Variants in CIT observed in about 807,000 individuals in gnomAD.
CIT encodes the protein citron rho-interacting serine/threonine kinase, also known as citron Rho-interacting kinase.
Under a neutral mutation model 272.7 loss-of-function variants are expected in CIT, and 79 were observed. The ratio of observed to expected loss-of-function variants is 0.29; its 90% CI spans 0.24 to 0.35. CIT has a LOEUF of 0.35. CIT is among the 10% of genes least tolerant of loss of function. The pLI, the probability that CIT is intolerant of heterozygous loss-of-function variation, is 1.00. For synonymous variants in CIT, 948 were observed against 995.6 expected, an observed-to-expected ratio of 0.95 and a Z score of 0.90; for missense variants, 1,909 against 2,618.3, an observed-to-expected ratio of 0.73 and a Z score of 5.91.
At chr12:119,709,043 G>A (rs1274245756) in intron 39 of CIT, among the ~76,000 whole-genome samples, 2 of 152,188 alleles carry the variant, frequency 1.3e-5, no homozygotes, top group Non-Finnish European at 2.9e-5. Flanking sequence ...GGAGACTAGA[G>A]AGACATGATT....
At chr12:119,781,443 C>T (rs1429255914) in intron 13 of CIT, among the ~76,000 whole-genome samples, 1 of 152,176 alleles carries the variant, frequency 6.6e-6, no homozygotes, top group Non-Finnish European at 1.5e-5. Context: ...TAAGTTTGTG[C>T]TACCCAGAGA....
chr12:119,710,690 C>T lies in CIT; in HGVS notation c.4855-70G>A. ...CTGATCTGTTTATGACCAAACCATC[C>T]AGAGAAACCAAGAGAAGGTTAAGGC... On this transcript the variant is annotated intron_variant, in intron 37 of 47. Coordinates refer to ENST00000392521, the MANE Select transcript of CIT (RefSeq NM_001206999.2). This position sits in a 1 kb window ranked among gnomAD's most constrained non-coding sequence, Gnocchi z 5.6. The T allele has an allele frequency of 7.0e-7, 1 of 1,435,098 alleles. No individual in the cohort carries two copies. The highest frequency in any genetic ancestry group is 1.7e-5 in the Admixed American group (1 of 59,348). The allele number at this position is 1,435,098 out of a possible 1,614,324, so 88.9% of individuals were successfully genotyped here.
rs1036933350 is a variant in CIT at position 119,712,895 on chromosome 12, A to G, written c.4580-200T>C. 3.6e-5 allele frequency: 21 copies of G among 585,656 alleles called. No individual in the cohort carries two copies. Among genetic ancestry groups the G allele is most frequent in the African/African-American group, 1.9e-5 (1 of 53,536 alleles). The allele number at this position is 585,656 out of a possible 1,614,324, so 36.3% of individuals were successfully genotyped here. On this transcript the variant is annotated intron_variant, in intron 35 of 47. Coordinates refer to ENST00000392521, the MANE Select transcript of CIT (RefSeq NM_001206999.2). This position sits in a 1 kb window ranked among gnomAD's most constrained non-coding sequence, Gnocchi z 5.2. Reference sequence around the variant, plus strand: ...AAAAAAAAATAAAGTGTGTCAGATGAGTAGCACAGTCAAATTTCTGATGAC... The same window carrying G: ...AAAAAAAAATAAAGTGTGTCAGATGGGTAGCACAGTCAAATTTCTGATGAC...
intron 23 of CIT, among the ~76,000 whole-genome samples, chr12:119,744,717 A>G (rs1012069470): frequency 6.7e-6 from 1 of 149,480 alleles, no homozygotes; most frequent in African/African-American, 2.5e-5. Flanking sequence ...TCCGCCTCAA[A>G]AAAAAAAAAA....
Position 119,803,231 on chromosome 12 carries a change from C to T in CIT, c.1270G>A (p.Ala424Thr). The T allele has an allele frequency of 6.3e-7, 1 of 1,584,434 alleles. No individual in the cohort carries two copies. The highest frequency in any genetic ancestry group is 8.6e-7 in the Non-Finnish European group (1 of 1,168,146). The change falls in exon 10 of 48, where the codon GCA becomes ACA. Residue 424 changes from alanine to threonine, a missense_variant. Physicochemically the swap from Ala to Thr is moderately conservative, Grantham distance 58. Transcript: ENST00000392521. Reference sequence around the variant, plus strand: ...TCAGATCTACCAAGAATCCCCAGTGCCTTGCTGTACGAAAACCCCACAAAC... The same window carrying T: ...TCAGATCTACCAAGAATCCCCAGTGTCTTGCTGTACGAAAACCCCACAAAC... ...LPFVGFSYSK[A>T]LGILGRSESV...
intron 16 of CIT, among the ~76,000 whole-genome samples, chr12:119,773,767 A>G (rs1406079643): frequency 6.6e-6 from 1 of 152,194 alleles, no homozygotes; most frequent in East Asian, 1.9e-4. Flanking sequence ...AGAAAATTTT[A>G]AATTACATCT....
At chr12:119,721,500 T>A in intron 28 of CIT, 51 bp from the exon 29 acceptor site, 1 of 1,505,612 alleles carries the variant, frequency 6.6e-7, no homozygotes, top group Non-Finnish European at 9.0e-7. Context: ...ACAATACAAT[T>A]TGTTCCCCTG....
chr12:119,750,155 G>A (rs1744517948), intron 23 of CIT, among the ~76,000 whole-genome samples: 2 of 152,200 alleles, frequency 1.3e-5, no homozygotes, highest in South Asian at 4.1e-4. Context: ...ATAGGTACAG[G>A]AGGAAAATAT....
rs114250758 is a variant in CIT at position 119,714,102 on chromosome 12, T to C, written c.4306+95A>G. The C allele has an allele frequency of 4.7e-4, 675 of 1,430,256 alleles. 3 individuals carry two copies. In the African/African-American group the frequency reaches 8.5e-3, roughly 18 times the overall value. 88.6% of individuals were successfully genotyped at this position (1,430,256 alleles called of 1,614,324 possible). ...AAGAAGCTCGAAAATGAATGCACTATATGATGAGTTAGAAAAAAATCACCT... is the reference window on the plus strand; with the variant it reads ...AAGAAGCTCGAAAATGAATGCACTACATGATGAGTTAGAAAAAAATCACCT... On this transcript the variant is annotated intron_variant, in intron 33 of 47. Transcript: ENST00000392521.
chr12:119,724,409 G>C (rs1957974019), intron 28 of CIT, among the ~76,000 whole-genome samples: 1 of 152,108 alleles, frequency 6.6e-6, no homozygotes, highest in Non-Finnish European at 1.5e-5. Flanking sequence ...AGAACCAATA[G>C]GTAAAAGTGG....
chr12:119,873,550 G>T (rs1950748077), intron 2 of CIT, among the ~76,000 whole-genome samples: 1 of 151,998 alleles, frequency 6.6e-6, no homozygotes, highest in Admixed American at 6.6e-5. Context: ...AAATTGCTAG[G>T]ATTACAGGCG....
At chr12:119,813,054 C>A (rs3809307) in intron 9 of CIT, among the ~76,000 whole-genome samples, 2,770 of 152,294 alleles carry the variant, frequency 0.018, 71 homozygotes, top group East Asian at 0.13. Flanking sequence ...GGCCCCCCTC[C>A]GACCCCGTTC....
rs190689618 is a variant in CIT, at chr12:119,752,565, C to T, written c.2707-318G>A. Among the ~76,000 whole-genome samples the T allele has an allele frequency of 5.8e-4, 89 of 152,288 alleles. 1 individual carries two copies. The highest frequency in any genetic ancestry group is 3.1e-3 in the Admixed American group (48 of 15,298). On this transcript the variant is annotated intron_variant, in intron 22 of 47. Transcript: ENST00000392521. The stretch of plus-strand genomic sequence containing the variant: ...ACTAATGAAAATGATGATGATTACT[C>T]TTATTAGAAAAACATTTAAAGCTAA...
In CIT at chr12:119,787,730, C is replaced by CAAAA. The variant is rs61554565; in HGVS notation, c.1296-2669_1296-2666dup. ...TGGGCAACAGAGTGAGACTCCGTCT[C>CAAAA]AAAAAAAAAAAAAAAAAAAGCAAAT... On this transcript the variant is annotated intron_variant, in intron 10 of 47. Transcript: ENST00000392521. Among the ~76,000 whole-genome samples the CAAAA allele has an allele frequency of 1.0e-3, 51 of 49,058 alleles. 3 individuals carry two copies. The highest frequency in any genetic ancestry group is 2.1e-3 in the East Asian group (3 of 1,442). The allele number at this position is 49,058 out of a possible 152,430, so 32.2% of individuals were successfully genotyped here.
intron 8 of CIT, among the ~76,000 whole-genome samples, chr12:119,824,867 T>G (rs1018363682): frequency 1.3e-5 from 2 of 152,166 alleles, no homozygotes; most frequent in Admixed American, 1.3e-4. Context: ...GGCGCGATCT[T>G]GGCTCACTGT....
chr12:119,718,373 G>A lies in CIT; in HGVS notation c.4040C>T (p.Ser1347Phe). ...HRKATDHPHP[S>F]TPATARQQIA... ...CTGCTGCCTCGCGGTGGCTGGCGTG[G>A]ATGGGTGTGGGTGGTCCGTTGCTTT... The change falls in exon 32 of 48, where the codon TCC (serine) becomes TTC (phenylalanine). Residue 1347 changes from serine to phenylalanine, a missense_variant. Ser to Phe is a radical substitution (Grantham distance 155). Transcript: ENST00000392521. The surrounding 1 kb of genome is among the most constrained non-coding windows in gnomAD (Gnocchi z 4.8). 1 of 1,613,874 alleles carries A rather than the reference G, an allele frequency of 6.2e-7. No individual in the cohort carries two copies. Among genetic ancestry groups the A allele is most frequent in the Middle Eastern group, 1.7e-4 (1 of 5,994 alleles).
At chr12:119,702,934 T>C (rs1310696262) in intron 41 of CIT, among the ~76,000 whole-genome samples, 2 of 152,238 alleles carry the variant, frequency 1.3e-5, no homozygotes, top group Non-Finnish European at 2.9e-5. Flanking sequence ...ACCTGCTTCC[T>C]GATTATTTTT....
rs535456252 is a variant in CIT at position 119,709,943 on chromosome 12, G to A, written c.5071+308C>T. On this transcript the variant is annotated intron_variant, in intron 39 of 47. Transcript: ENST00000392521. ...AAGCTCTCAGAAGGTCAGGGCCCAC[G>A]GTGGTTTCGTTGCAATCAGGACAAA... Among the ~76,000 whole-genome samples the A allele has an allele frequency of 2.6e-5, 4 of 152,186 alleles. No individual in the cohort carries two copies. In the East Asian group the frequency reaches 5.8e-4, roughly 22 times the overall value.
chr12:119,812,510 G>A (rs777465912), intron 9 of CIT, among the ~76,000 whole-genome samples: 1 of 151,752 alleles, frequency 6.6e-6, no homozygotes, highest in Non-Finnish European at 1.5e-5. Context: ...TGCAATCATA[G>A]TTCACTATAA....
Sources: allele counts gnomAD v4.1 joint callset (sites outside exome capture counted in the v4.1 genomes callset), GRCh38; gene constraint gnomAD v4.1.1; non-coding constraint Gnocchi (gnomAD v3.1); transcripts MANE v1.5; gene names NCBI Gene and HGNC (gene_info 2026-07-23, HGNC 2026-07-21).